Variants in HIRA observed in about 807,000 individuals in gnomAD.
HIRA encodes protein HIRA.
In HIRA, 13 loss-of-function variants were observed where a neutral mutation model predicts 126.6. That is an observed-to-expected ratio of 0.10 (90% confidence interval 0.07 to 0.16). The LOEUF is 0.16. Among genes scored for constraint, HIRA ranks in the 10% least tolerant of loss-of-function variants. HIRA has a pLI of 1.00. For missense variants in HIRA, 834 were observed against 1,314.4 expected, an observed-to-expected ratio of 0.63 and a Z score of 5.65; for synonymous variants, 511 against 520.0, an observed-to-expected ratio of 0.98 and a Z score of 0.24.
At chr22:19,354,214 A>G (rs1556011815) in intron 21 of HIRA, 96 bp from the exon 22 acceptor site, 1 of 1,293,080 alleles carries the variant, frequency 7.7e-7, no homozygotes. Flanking sequence ...GGCCACAGAG[A>G]AGCAGCCCCT....
Position 19,392,122 on chromosome 22 carries a change from C to T in HIRA, c.915G>A (p.Lys305=), listed in dbSNP as rs1306725097. 2.5e-6 allele frequency: 4 copies of T among 1,592,340 alleles called. No individual in the cohort carries two copies. The highest frequency in any genetic ancestry group is 3.4e-5 in the Admixed American group (2 of 59,424). ...TCACCCAGACAGAAAGCGAGCGGTC[C>T]TTGCTGCCAACAGCACAGCAGCAGT... ...CPYCCCAVGS[K]DRSLSVWLTC... is the part of the protein sequence containing the mutation. The change falls in exon 9 of 25, where the codon AAG becomes AAA. Residue 305 remains lysine (K), a synonymous_variant. Transcript: ENST00000263208.
At chr22:19,375,606 T>TGGGAGGCTGAAG in intron 15 of HIRA, 25 bp downstream of exon 15, 1 of 1,612,440 alleles carries the variant, frequency 6.2e-7, no homozygotes, top group Non-Finnish European at 8.5e-7. Flanking sequence ...GCCTGGTCCT[T>TGGGAGGCTGAAG]CAGGGTCCTG....
chr22:19,337,880 C>T (rs782572060), intron 24 of HIRA, among the ~76,000 whole-genome samples: 4 of 152,066 alleles, frequency 2.6e-5, no homozygotes, highest in Admixed American at 6.6e-5. Flanking sequence ...CAATCTCTGC[C>T]GCCCTGGTTC....
chr22:19,382,563 A>G (rs1199668119), intron 13 of HIRA, among the ~76,000 whole-genome samples: 1 of 152,198 alleles, frequency 6.6e-6, no homozygotes, highest in Admixed American at 6.5e-5. Context: ...TGTACACTGT[A>G]CGAGTGAAGG....
intron 15 of HIRA, among the ~76,000 whole-genome samples, chr22:19,372,191 C>T (rs2088972529): frequency 6.6e-6 from 1 of 152,208 alleles, no homozygotes; most frequent in Non-Finnish European, 1.5e-5. Flanking sequence ...CTTAAGCATA[C>T]TTTATAGTGC....
chr22:19,356,363 AC>A, intron 19 of HIRA, 75 bp from the exon 20 acceptor site: 1 of 1,315,154 alleles, frequency 7.6e-7, no homozygotes, highest in Non-Finnish European at 1.1e-6. Context: ...CTGCTCAGAC[AC>A]CCTGGCCCTA....
At chr22:19,362,652 C>G (rs969972747) in intron 15 of HIRA, among the ~76,000 whole-genome samples, 1 of 151,890 alleles carries the variant, frequency 6.6e-6, no homozygotes, top group African/African-American at 2.4e-5. Flanking sequence ...CATCCACCTA[C>G]TGGGGTCAAG....
chr22:19,358,620 C>T (rs2088835587), intron 18 of HIRA, among the ~76,000 whole-genome samples: 1 of 152,210 alleles, frequency 6.6e-6, no homozygotes. Flanking sequence ...AAAACTCACT[C>T]AGGGCCCACG....
Position 19,397,964 on chromosome 22 carries a change from T to C in HIRA, c.493+28A>G, listed in dbSNP as rs975120746. 5.7e-6 allele frequency: 9 copies of C among 1,565,334 alleles called. No homozygotes were observed. In the Admixed American group the frequency reaches 1.5e-4, roughly 26 times the overall value. On this transcript the variant is annotated intron_variant, in intron 6 of 24. Transcript: ENST00000263208. ...GAAACTGACAGGCAGTACTGCTTGC[T>C]GTTAACCAGTCAGAGGAGGCCCCAG... is the stretch of plus-strand genomic sequence containing the variant.
intron 5 of HIRA, chr22:19,399,110 T>C (rs2238768): frequency 0.18 from 179,459 of 984,180 alleles, 16,811 homozygotes; most frequent in East Asian, 0.31. Context: ...GCTGTGACGA[T>C]GGTGCCAACC....
chr22:19,418,226 T>C (rs1438826458), intron 1 of HIRA, among the ~76,000 whole-genome samples: 2 of 152,102 alleles, frequency 1.3e-5, no homozygotes, highest in African/African-American at 4.8e-5. Context: ...AAATTTTATA[T>C]TGTGAATATC....
intron 5 of HIRA, among the ~76,000 whole-genome samples, chr22:19,403,392 G>A (rs924184632): frequency 3.9e-5 from 6 of 152,066 alleles, no homozygotes; most frequent in South Asian, 2.1e-4. Context: ...GGCAGATCAC[G>A]AGGTCAGGAG....
At chr22:19,423,953 C>T (rs1252028276) in intron 1 of HIRA, among the ~76,000 whole-genome samples, 2 of 152,200 alleles carry the variant, frequency 1.3e-5, no homozygotes, top group East Asian at 1.9e-4. Context: ...GCAGATTCCA[C>T]TAGAAAGAGC....
At chr22:19,370,591 A>C (rs2088955878) in intron 15 of HIRA, among the ~76,000 whole-genome samples, 1 of 152,170 alleles carries the variant, frequency 6.6e-6, no homozygotes, top group Non-Finnish European at 1.5e-5. Context: ...GTTTTCATTG[A>C]GAATCAATAC....
chr22:19,358,374 C>T (rs1446417726), intron 18 of HIRA, among the ~76,000 whole-genome samples: 7 of 152,100 alleles, frequency 4.6e-5, no homozygotes, highest in African/African-American at 1.4e-4. Context: ...AGAGGTCCCA[C>T]GTGGTCCAGC....
chr22:19,375,457 C>A (rs926243629), intron 15 of HIRA, among the ~76,000 whole-genome samples, 174 bp downstream of exon 15: 1 of 152,200 alleles, frequency 6.6e-6, no homozygotes, highest in African/African-American at 2.4e-5. Context: ...CAAGGAACCA[C>A]CTCTTTCTCC....
At chr22:19,393,043 G>C (rs1394366883) in intron 8 of HIRA, among the ~76,000 whole-genome samples, 1 of 152,120 alleles carries the variant, frequency 6.6e-6, no homozygotes, top group Non-Finnish European at 1.5e-5. Flanking sequence ...ACAGAGACTG[G>C]AGAAGATGGA....
chr22:19,431,659 C>A lies in HIRA; in HGVS notation c.-183G>T. The A allele has an allele frequency of 1.9e-6, 1 of 533,506 alleles. No homozygotes were observed. The highest frequency in any genetic ancestry group is 2.0e-5 in the African/African-American group (1 of 49,482). The allele number at this position is 533,506 out of a possible 1,614,324, so 33.0% of individuals were successfully genotyped here. A position where few individuals can be genotyped will look rare whatever the true frequency, so the allele number is the denominator to read the frequency against. On this transcript the variant is annotated 5_prime_UTR_variant, in exon 1 of 25. Transcript: ENST00000263208. ...CCCCCTCCGCCGCCACAGCCGCCAC[C>A]CGCGCTCGGCCGCCGCCGCCGCCAC...
In HIRA at chr22:19,356,237, G is replaced by C. The variant is rs2088810885; in HGVS notation, c.2448C>G (p.Ile816Met). Residue 816 changes from isoleucine to methionine, a missense_variant, in exon 20 of 25, where the codon ATC (isoleucine) becomes ATG (methionine). By Grantham distance (10) the Ile-to-Met change is conservative. Coordinates refer to ENST00000263208, the MANE Select transcript of HIRA (RefSeq NM_003325.4). ...GCCTGTTGCCTGCATTACCTGCCAG[G>C]ATGGAGTGTAGAGACTCTTCTTTCA... Reference protein sequence around the residue: ...VVVKEESLHSILAGSDMTVSQ... With the variant: ...VVVKEESLHSMLAGSDMTVSQ... The C allele has an allele frequency of 6.2e-7, 1 of 1,613,898 alleles. No individual in the cohort carries two copies. Among genetic ancestry groups the C allele is most frequent in the Non-Finnish European group, 8.5e-7 (1 of 1,179,766 alleles).
Sources: gnomAD v4.1 joint callset for allele counts (sites outside exome capture counted in the v4.1 genomes callset) on GRCh38, gnomAD v4.1.1 for gene constraint, MANE v1.5 for transcripts, NCBI Gene and HGNC (gene_info 2026-07-23, HGNC 2026-07-21) for gene names.